GRIA2: variants seen among roughly 807,000 people sequenced by gnomAD.
The protein encoded by GRIA2 is glutamate ionotropic receptor AMPA type subunit 2, also known as glutamate receptor 2.
In GRIA2, 14 loss-of-function variants were observed where a neutral mutation model predicts 97.3. The ratio of observed to expected loss-of-function variants is 0.14; its 90% CI spans 0.10 to 0.23. The LOEUF is 0.23. Ranked by LOEUF, GRIA2 falls within the 10% of genes least tolerant of loss-of-function variation. GRIA2 has a pLI of 1.00. For missense variants in GRIA2, 558 were observed against 1,069.8 expected (o/e 0.52, Z 6.67); for synonymous variants, 412 against 387.8 (o/e 1.06, Z -0.73).
chr4:157,249,437 C>G (rs368824923), intron 2 of GRIA2: 5 of 152,086 alleles, frequency 3.3e-5, no homozygotes, highest in Non-Finnish European at 5.9e-5. Context: ...AAATTATAGA[C>G]TCATCAAGGC....
intron 2 of GRIA2, among the ~76,000 whole-genome samples, chr4:157,276,464 T>C (rs1270367157): frequency 6.6e-6 from 1 of 151,824 alleles, no homozygotes; most frequent in Non-Finnish European, 1.5e-5. Flanking sequence ...AATTTCTACT[T>C]TAGGAAACTG....
chr4:157,327,080 T>C (rs1406920720), intron 6 of GRIA2, among the ~76,000 whole-genome samples: 1 of 152,178 alleles, frequency 6.6e-6, no homozygotes, highest in Non-Finnish European at 1.5e-5. Flanking sequence ...AAATAATAAT[T>C]GTAAAATCGT....
chr4:157,242,786 A>G (rs771148116), intron 2 of GRIA2, among the ~76,000 whole-genome samples: 10 of 152,084 alleles, frequency 6.6e-5, no homozygotes, highest in Non-Finnish European at 1.5e-4. Context: ...ATCTTATTTC[A>G]TATATATTGT....
At chr4:157,285,927 A>G (rs943973768) in intron 2 of GRIA2, among the ~76,000 whole-genome samples, 1 of 151,576 alleles carries the variant, frequency 6.6e-6, no homozygotes, top group Non-Finnish European at 1.5e-5. Flanking sequence ...AGGATTAAGT[A>G]ACTTGGCAAA....
At chr4:157,257,123 T>A (rs1012773322) in intron 2 of GRIA2, among the ~76,000 whole-genome samples, 1 of 152,028 alleles carries the variant, frequency 6.6e-6, no homozygotes, top group Admixed American at 6.6e-5. Flanking sequence ...TGACAAGAAA[T>A]TGTCAGATAA....
chr4:157,349,209 G>C (rs1477543615), intron 12 of GRIA2, among the ~76,000 whole-genome samples: 2 of 152,094 alleles, frequency 1.3e-5, no homozygotes, highest in African/African-American at 4.8e-5. Flanking sequence ...CGTGGTCCTT[G>C]ACTTACCAAA....
In GRIA2 at chr4:157,309,562, G is replaced by C. The variant is rs560139108; in HGVS notation, c.470-3117G>C. 3.9e-5 allele frequency among the ~76,000 whole-genome samples: 6 copies of C among 152,098 alleles called. No individual in the cohort carries two copies. In the East Asian group the frequency reaches 1.2e-3, roughly 29 times the overall value. On this transcript the variant is annotated intron_variant, in intron 3 of 15. Transcript: ENST00000264426. Reference sequence around the variant, plus strand: ...AGATGGGGTTTCGCCATGTTGGCCAGGCTGATCTTGAGCTCCTGATCTCAA... The same window carrying C: ...AGATGGGGTTTCGCCATGTTGGCCACGCTGATCTTGAGCTCCTGATCTCAA...
chr4:157,275,882 G>A (rs571246579), intron 2 of GRIA2, among the ~76,000 whole-genome samples: 2 of 152,210 alleles, frequency 1.3e-5, no homozygotes, highest in Admixed American at 1.3e-4. Flanking sequence ...GAACTTTAAA[G>A]TAGTTTTTTC....
chr4:157,335,916 T>G (rs756625900), intron 10 of GRIA2, 39 bp downstream of exon 10: 14 of 1,325,334 alleles, frequency 1.1e-5, no homozygotes, highest in Admixed American at 3.6e-5. Flanking sequence ...TCATTCAATT[T>G]GAATTGTTGT....
Position 157,317,688 on chromosome 4 carries a change from T to A in GRIA2, c.697T>A (p.Tyr233Asn). ...VITIGKHVKG[Y>N]HYIIANLGFT... ...TACCATTGGAAAACATGTTAAAGGG[T>A]ACCACTACATCATTGCAAATCTGGT... Residue 233 changes from tyrosine (Y) to asparagine (N), a missense_variant, in exon 5 of 16, where the codon TAC (tyrosine) becomes AAC (asparagine). Tyr to Asn is a moderately radical substitution (Grantham distance 143). This residue lies in a region of GRIA2 where 173 missense variants were observed against 209.1 expected (regional missense o/e 0.83). Transcript: ENST00000264426. 3 of 1,226,096 alleles carry A rather than the reference T, an allele frequency of 2.4e-6. No individual in the cohort carries two copies. Among genetic ancestry groups the A allele is most frequent in the Non-Finnish European group, 3.6e-6 (3 of 833,198 alleles). The allele number at this position is 1,226,096 out of a possible 1,614,324, so 76.0% of individuals were successfully genotyped here.
At chr4:157,350,749 T>G (rs547664027) in intron 12 of GRIA2, among the ~76,000 whole-genome samples, 27 of 152,022 alleles carry the variant, frequency 1.8e-4, no homozygotes, top group Non-Finnish European at 3.5e-4. Flanking sequence ...ATCTTTAAGT[T>G]TATTAGCTTT....
intron 2 of GRIA2, among the ~76,000 whole-genome samples, chr4:157,281,493 A>G (rs1426217720): frequency 6.6e-6 from 1 of 152,094 alleles, no homozygotes; most frequent in Admixed American, 6.6e-5. Flanking sequence ...TAGACTTTTT[A>G]ATGGTTTTAT....
At chr4:157,362,748 C>G in intron 14 of GRIA2, 51 bp from the exon 15 acceptor site, 1 of 1,512,526 alleles carries the variant, frequency 6.6e-7, no homozygotes, top group Non-Finnish European at 9.0e-7. Flanking sequence ...CTGTTCTCTT[C>G]TATTCACCAG....
Position 157,309,421 on chromosome 4 carries a change from G to A in GRIA2, c.470-3258G>A, listed in dbSNP as rs143421672. 7.2e-3 allele frequency among the ~76,000 whole-genome samples: 1,054 copies of A among 146,262 alleles called. 29 individuals carry two copies. The highest frequency in any genetic ancestry group is 0.055 in the Admixed American group (784 of 14,236). Reference sequence around the variant, plus strand: ...GGCTGTAGTGCAGTGGCGTGACCTCGGCTCACTGCAATCACCACCTCCCAG... The same window carrying A: ...GGCTGTAGTGCAGTGGCGTGACCTCAGCTCACTGCAATCACCACCTCCCAG... On this transcript the variant is annotated intron_variant, in intron 3 of 15. Transcript: ENST00000264426.
intron 2 of GRIA2, among the ~76,000 whole-genome samples, chr4:157,225,634 T>TC (rs1729709008): frequency 1.3e-5 from 2 of 151,266 alleles, no homozygotes; most frequent in South Asian, 4.2e-4. Context: ...TTTTTTTTTT[T>TC]TCTAGCCTTT....
chr4:157,220,421 G>A (rs973251351), upstream of GRIA2: 1 of 152,178 alleles, frequency 6.6e-6, no homozygotes, highest in Non-Finnish European at 1.5e-5. Flanking sequence ...GCCGAGGCGC[G>A]CGGTGGGCGC....
chr4:157,264,556 TTTAATTC>T (rs1445250533), intron 2 of GRIA2, among the ~76,000 whole-genome samples: 1 of 152,134 alleles, frequency 6.6e-6, no homozygotes, highest in African/African-American at 2.4e-5. Context: ...CATTAGTAGC[TTTAATTC>T]TAACTGCAAT....
In GRIA2 at chr4:157,343,201, T is replaced by G. The variant is rs971200441; in HGVS notation, c.2043+1739T>G. Among the ~76,000 whole-genome samples, 39 of 152,064 alleles carry G rather than the reference T, an allele frequency of 2.6e-4. 1 individual carries two copies. Among genetic ancestry groups the G allele is most frequent in the Non-Finnish European group, 4.4e-5 (3 of 67,994 alleles). On this transcript the variant is annotated intron_variant, in intron 12 of 15. Coordinates refer to ENST00000264426, the MANE Select transcript of GRIA2 (RefSeq NM_001083619.3). ...AGAGTAATAGAGAAGTGATGTTGGA[T>G]AGTTAGGCAAATTGATGACTTCTAT... is the stretch of plus-strand genomic sequence containing the variant.
At chr4:157,297,140 TC>T (rs1733382716) in intron 2 of GRIA2, among the ~76,000 whole-genome samples, 2 of 152,126 alleles carry the variant, frequency 1.3e-5, no homozygotes, top group Non-Finnish European at 2.9e-5. Context: ...AGCCATCTAG[TC>T]AATAGATGTT....
Sources: gnomAD v4.1 joint callset for allele counts (sites outside exome capture counted in the v4.1 genomes callset) on GRCh38, gnomAD v4.1.1 for gene constraint, gnomAD v4.1.1 regional missense constraint, MANE v1.5 for transcripts, NCBI Gene and HGNC (gene_info 2026-07-23, HGNC 2026-07-21) for gene names.